The following FOCAD variants were observed in gnomAD, a reference collection of about 807,000 sequenced individuals.
FOCAD encodes the protein KIAA1797.
Under a neutral mutation model 225.6 loss-of-function variants are expected in FOCAD, and 198 were observed. The observed-to-expected ratio is 0.88, with a 90% CI of 0.78 to 0.99. The LOEUF (loss-of-function observed/expected upper bound fraction) is 0.99, where lower values mean the gene tolerates loss of function less well. Among genes scored for constraint, FOCAD ranks in the 50% least tolerant of loss-of-function variants. FOCAD has a pLI of 0.00. For synonymous variants in FOCAD, 897 were observed against 755.0 expected (o/e 1.19, Z -3.08); for missense variants, 2,713 against 2,123.6 (o/e 1.28, Z -5.46).
intron 3 of FOCAD, 133 bp from the exon 4 acceptor site, chr9:20,720,247 G>C: frequency 2.3e-6 from 2 of 858,746 alleles, no homozygotes; most frequent in South Asian, 3.4e-5. Flanking sequence ...GGAACAGAGT[G>C]ACAACAGCAT....
rs1277530503 is a variant in FOCAD, at chr9:20,954,902, AC to A, written c.4132+1838del. Reference sequence around the variant, plus strand: ...CCGCCTCCAAAGCCCATTTACAAAAACAAAACCAGACCCTGCTCTGTGGGGC... The same window carrying A: ...CCGCCTCCAAAGCCCATTTACAAAAAAAAACCAGACCCTGCTCTGTGGGGC... On this transcript the variant is annotated intron_variant, in intron 35 of 43. Coordinates refer to ENST00000338382, the MANE Select transcript of FOCAD (RefSeq NM_001375567.1). Among the ~76,000 whole-genome samples the A allele has an allele frequency of 4.6e-5, 7 of 152,356 alleles. No homozygotes were observed. The East Asian group carries it at 1.4e-3, about 29-fold the overall frequency.
intron 19 of FOCAD, among the ~76,000 whole-genome samples, chr9:20,881,426 G>T (rs1020995386): frequency 7.9e-5 from 12 of 152,158 alleles, no homozygotes; most frequent in African/African-American, 2.9e-4. Flanking sequence ...CAACTGGAAG[G>T]TGTTAGGGAC....
intron 35 of FOCAD, among the ~76,000 whole-genome samples, chr9:20,964,803 G>C (rs1839110045): frequency 6.6e-6 from 1 of 152,140 alleles, no homozygotes; most frequent in Non-Finnish European, 1.5e-5. Flanking sequence ...CAAAGTGCTG[G>C]GATTACAGGC....
intron 6 of FOCAD, among the ~76,000 whole-genome samples, chr9:20,763,794 C>G (rs908291702): frequency 1.4e-4 from 21 of 152,088 alleles, no homozygotes; most frequent in African/African-American, 5.1e-4. Flanking sequence ...GTGAATTGGG[C>G]TAGATACTGT....
intron 35 of FOCAD, among the ~76,000 whole-genome samples, chr9:20,967,312 C>T (rs1839352713): frequency 6.6e-6 from 1 of 151,972 alleles, no homozygotes; most frequent in Non-Finnish European, 1.5e-5. Context: ...ATTTCTTTTT[C>T]AGATTATTCA....
Position 20,907,209 on chromosome 9 carries a change from A to T in FOCAD, c.2685A>T (p.Ala895=). 6.2e-7 allele frequency: 1 copy of T among 1,613,322 alleles called. No homozygotes were observed. Among genetic ancestry groups the T allele is most frequent in the Non-Finnish European group, 8.5e-7 (1 of 1,179,526 alleles). Reference sequence around the variant, plus strand: ...TTTTTCTTCCACAGGCCTGGCTTGCATACATGAATCGAGCTTATCATGCCA... The same window carrying T: ...TTTTTCTTCCACAGGCCTGGCTTGCTTACATGAATCGAGCTTATCATGCCA... ...RAIFLPQAWL[A]YMNRAYHAIL... is the part of the protein sequence containing the mutation. Residue 895 remains alanine, a synonymous_variant, in exon 22 of 44, where the codon GCA becomes GCT. Transcript: ENST00000338382.
At chr9:20,957,826 C>T (rs991486983) in intron 35 of FOCAD, among the ~76,000 whole-genome samples, 2 of 151,292 alleles carry the variant, frequency 1.3e-5, no homozygotes, top group South Asian at 2.1e-4. Context: ...TAGTGAACAT[C>T]GTTATGCATA....
chr9:20,817,931 T>G (rs1428683105), intron 11 of FOCAD, among the ~76,000 whole-genome samples: 1 of 152,202 alleles, frequency 6.6e-6, no homozygotes, highest in African/African-American at 2.4e-5. Flanking sequence ...CACATGGTAA[T>G]TCTATGTTTA....
upstream of FOCAD, among the ~76,000 whole-genome samples, chr9:20,679,692 A>T (rs1335655334): frequency 6.6e-6 from 1 of 152,194 alleles, no homozygotes; most frequent in Non-Finnish European, 1.5e-5. Context: ...TGGAAATAAT[A>T]CAAGGAGTTG....
chr9:20,787,806 C>T (rs951050504), intron 10 of FOCAD, among the ~76,000 whole-genome samples: 5 of 151,878 alleles, frequency 3.3e-5, no homozygotes, highest in Admixed American at 6.6e-5. Context: ...ATCTTTTTCT[C>T]CTCACTCTCT....
chr9:20,810,787 G>A (rs1388701190), intron 11 of FOCAD, among the ~76,000 whole-genome samples: 2 of 152,012 alleles, frequency 1.3e-5, no homozygotes, highest in Admixed American at 6.6e-5. Flanking sequence ...GGCCAGGAAG[G>A]GTCGTGGCTA....
intron 1 of FOCAD, among the ~76,000 whole-genome samples, chr9:20,702,023 G>A (rs1327153236): frequency 6.6e-5 from 10 of 152,112 alleles, no homozygotes; most frequent in Non-Finnish European, 1.0e-4. Flanking sequence ...CGTTTGCTAT[G>A]TTCATGGCTC....
At chr9:20,874,438 T>C (rs1167822708) in intron 18 of FOCAD, 2 of 390,970 alleles carry the variant, frequency 5.1e-6, no homozygotes, top group Admixed American at 4.4e-5. Flanking sequence ...TGATTTACTG[T>C]ATTAACATAA....
chr9:20,725,221 G>A lies in FOCAD; in HGVS notation c.287+4687G>A, dbSNP rs146988617. Reference sequence around the variant, plus strand: ...AGTAAAATGCAGGGAATGACTTTGGGTGAGACAGTTTGGGTCTTCAGTTTC... The same window carrying A: ...AGTAAAATGCAGGGAATGACTTTGGATGAGACAGTTTGGGTCTTCAGTTTC... On this transcript the variant is annotated intron_variant, in intron 4 of 43. Coordinates refer to ENST00000338382, the MANE Select transcript of FOCAD (RefSeq NM_001375567.1). Among the ~76,000 whole-genome samples, 1,047 of 152,278 alleles carry A rather than the reference G, an allele frequency of 6.9e-3. 6 individuals are homozygous for A. The highest frequency in any genetic ancestry group is 0.011 in the Admixed American group (168 of 15,298).
At chr9:20,791,414 A>G (rs992152999) in intron 11 of FOCAD, among the ~76,000 whole-genome samples, 2 of 152,182 alleles carry the variant, frequency 1.3e-5, no homozygotes, top group Non-Finnish European at 2.9e-5. Context: ...CAGGTATAAA[A>G]TGTGCAATGA....
chr9:20,910,710 G>A (rs1833368583), intron 22 of FOCAD, among the ~76,000 whole-genome samples: 1 of 152,070 alleles, frequency 6.6e-6, no homozygotes, highest in African/African-American at 2.4e-5. Flanking sequence ...TCAGAAAGCA[G>A]AGATGACTGA....
chr9:20,658,997 T>C (rs1821615972), intron 2 of FOCAD, among the ~76,000 whole-genome samples: 1 of 152,066 alleles, frequency 6.6e-6, no homozygotes, highest in Non-Finnish European at 1.5e-5. Context: ...AGGTGGGTGA[T>C]TGCCTGAGCT....
chr9:20,866,928 G>T lies in FOCAD; in HGVS notation c.2107-1G>T. 2.6e-6 allele frequency: 1 copy of T among 383,478 alleles called. No individual in the cohort carries two copies. Among genetic ancestry groups the T allele is most frequent in the Admixed American group, 3.4e-5 (1 of 29,202 alleles). 23.8% of individuals were successfully genotyped at this position (383,478 alleles called of 1,614,324 possible). A position where few individuals can be genotyped will look rare whatever the true frequency, so the allele number is the denominator to read the frequency against. On this transcript the variant is annotated splice_acceptor_variant, in intron 17 of 43. Coordinates refer to ENST00000338382, the MANE Select transcript of FOCAD (RefSeq NM_001375567.1). LOFTEE classifies it high-confidence loss of function. Reference sequence around the variant, plus strand: ...TTTTTTTTTTTTTTTACCCTATCTAGGACCCAATTGTAGCAAATGCTGCAT... The same window carrying T: ...TTTTTTTTTTTTTTTACCCTATCTATGACCCAATTGTAGCAAATGCTGCAT...
intron 15 of FOCAD, among the ~76,000 whole-genome samples, chr9:20,851,222 T>C (rs1357130094): frequency 6.6e-6 from 1 of 151,276 alleles, no homozygotes; most frequent in Non-Finnish European, 1.5e-5. Flanking sequence ...TTTTTTTTTT[T>C]TCGTGGGGTG....
Sources: allele counts gnomAD v4.1 joint callset (sites outside exome capture counted in the v4.1 genomes callset), GRCh38; gene constraint gnomAD v4.1.1; transcripts MANE v1.5; gene names NCBI Gene and HGNC (gene_info 2026-07-23, HGNC 2026-07-21).